OSTC: variants seen among roughly 807,000 people sequenced by gnomAD.
The protein encoded by OSTC is oligosaccharyltransferase complex non-catalytic subunit.
In OSTC, 16 loss-of-function variants were observed where a neutral mutation model predicts 16.4. The ratio of observed to expected loss-of-function variants is 0.98; its 90% CI spans 0.66 to 1.49. OSTC has a LOEUF of 1.49. Among genes scored for constraint, OSTC ranks in the 40% most tolerant of loss-of-function variants. OSTC has a pLI of 0.00. For synonymous variants in OSTC, 67 were observed against 68.5 expected (o/e 0.98, Z 0.11); for missense variants, 139 against 186.3 (o/e 0.75, Z 1.48).
rs138808989 is a variant in OSTC at position 108,650,764 on chromosome 4, G to A, written c.109G>A (p.Val37Met). 18 of 1,614,250 alleles carry A rather than the reference G, an allele frequency of 1.1e-5. No homozygotes were observed. In the African/African-American group the frequency reaches 2.1e-4, roughly 19 times the overall value. ...GTCGGCCATGACTGTGTATGCTCTG[G>A]TGGTGGTGTCTTACTTCCTCATCAC... ...MPSAMTVYAL[V>M]VVSYFLITGG... The change falls in exon 1 of 4, where the codon GTG (valine) becomes ATG (methionine). Residue 37 changes from valine to methionine, a missense_variant. Transcript: ENST00000361564.
rs200101905 is a variant in OSTC, at chr4:108,667,247, G to A, written c.432G>A (p.Pro144=). 2.8e-5 allele frequency: 45 copies of A among 1,607,304 alleles called. No homozygotes were observed. In the Middle Eastern group the frequency reaches 9.9e-4, roughly 35 times the overall value. Residue 144 remains proline (P), a splice_region_variant and synonymous_variant, in exon 4 of 4, where the codon CCG becomes CCA. Coordinates refer to ENST00000361564, the MANE Select transcript of OSTC (RefSeq NM_021227.4). ...MARVFMRMKL[P]GYLMG The stretch of plus-strand genomic sequence containing the variant: ...TGTGCTTATAATTATATTTCTGCAG[G>A]GGCTATCTGATGGGTTAGAGTGCCT...
intron 1 of OSTC, chr4:108,652,171 A>G (rs915255793): frequency 6.6e-6 from 1 of 152,182 alleles, no homozygotes; most frequent in Admixed American, 6.5e-5. Context: ...GGCAGCACAT[A>G]TACTAAAATT....
intron 3 of OSTC, among the ~76,000 whole-genome samples, chr4:108,658,167 G>C (rs1726761448): frequency 6.6e-6 from 1 of 151,904 alleles, no homozygotes; most frequent in Non-Finnish European, 1.5e-5. Flanking sequence ...CCTGACCTCA[G>C]GTGATCCTCC....
At chr4:108,660,203 T>G (rs1170744508) in intron 3 of OSTC, among the ~76,000 whole-genome samples, 3 of 152,184 alleles carry the variant, frequency 2.0e-5, no homozygotes, top group Admixed American at 2.0e-4. Context: ...TGGGTTTCGG[T>G]TGTAGATTAT....
chr4:108,658,886 C>A (rs1379940988), intron 3 of OSTC, among the ~76,000 whole-genome samples: 2 of 150,874 alleles, frequency 1.3e-5, no homozygotes, highest in African/African-American at 4.9e-5. Context: ...TTAGTCCTGG[C>A]AGGATGGGAG....
At chr4:108,654,227 G>C (rs980349238) in intron 1 of OSTC, among the ~76,000 whole-genome samples, 27 of 152,330 alleles carry the variant, frequency 1.8e-4, no homozygotes, top group African/African-American at 6.0e-4. Context: ...GCAGAAGCCA[G>C]ATTGGATTGA....
At chr4:108,657,762 A>G (rs1461907067) in intron 3 of OSTC, 115 bp downstream of exon 3, 1 of 923,490 alleles carries the variant, frequency 1.1e-6, no homozygotes, top group Non-Finnish European at 1.6e-6. Flanking sequence ...TGAAAAATCC[A>G]GAAACCAAAT....
chr4:108,661,087 G>GGGATTA lies in OSTC; in HGVS notation c.431+3440_431+3441insGGATTA, dbSNP rs1380626864. On this transcript the variant is annotated intron_variant, in intron 3 of 3. Coordinates refer to ENST00000361564, the MANE Select transcript of OSTC (RefSeq NM_021227.4). The stretch of plus-strand genomic sequence containing the variant: ...AAAAAAATTAGCTGGGCGTGGTAGT[G>GGGATTA]CACGCCTGTAATCCCAGCTATTTGG... Among the ~76,000 whole-genome samples the GGGATTA allele has an allele frequency of 4.6e-4, 70 of 151,770 alleles. 1 individual carries two copies. Among genetic ancestry groups the GGGATTA allele is most frequent in the South Asian group, 1.2e-3 (6 of 4,812 alleles).
At chr4:108,661,588 TTTTTC>T (rs937108689) in intron 3 of OSTC, among the ~76,000 whole-genome samples, 10 of 152,230 alleles carry the variant, frequency 6.6e-5, no homozygotes, top group South Asian at 4.2e-4. Flanking sequence ...AAGCAGAATC[TTTTTC>T]TTTTCTTTTC....
intron 3 of OSTC, among the ~76,000 whole-genome samples, chr4:108,660,775 G>T (rs1726836326): frequency 1.3e-5 from 2 of 152,176 alleles, no homozygotes; most frequent in African/African-American, 4.8e-5. Flanking sequence ...CTTTGAAAAG[G>T]AGAAAACAGT....
chr4:108,665,513 C>T (rs1459068799), intron 3 of OSTC, among the ~76,000 whole-genome samples: 1 of 108,702 alleles, frequency 9.2e-6, no homozygotes, highest in African/African-American at 3.9e-5. Flanking sequence ...GGGGTTTCAC[C>T]ATGTTAGCCA....
intron 2 of OSTC, among the ~76,000 whole-genome samples, chr4:108,656,192 C>G (rs1256287265): frequency 6.6e-6 from 1 of 151,966 alleles, no homozygotes; most frequent in South Asian, 2.1e-4. Flanking sequence ...TCAGTGAAAC[C>G]CCGTTCCAGT....
chr4:108,652,616 C>T (rs1044285137), intron 1 of OSTC, among the ~76,000 whole-genome samples: 3 of 152,044 alleles, frequency 2.0e-5, no homozygotes, highest in Non-Finnish European at 4.4e-5. Flanking sequence ...ATACTGAGTC[C>T]CGTTAAGTTT....
intron 3 of OSTC, among the ~76,000 whole-genome samples, chr4:108,661,031 A>G (rs951180370): frequency 6.6e-6 from 1 of 152,004 alleles, no homozygotes; most frequent in African/African-American, 2.4e-5. Context: ...AGCCTGGTCA[A>G]CGTGGTGAAA....
intron 3 of OSTC, among the ~76,000 whole-genome samples, chr4:108,665,717 G>A (rs998222823): frequency 6.6e-6 from 1 of 151,724 alleles, no homozygotes; most frequent in African/African-American, 2.4e-5. Context: ...CTGTCACCAC[G>A]CCCAGCTAAT....
chr4:108,654,377 T>G (rs1383582483), intron 1 of OSTC, among the ~76,000 whole-genome samples: 1 of 152,094 alleles, frequency 6.6e-6, no homozygotes, highest in Non-Finnish European at 1.5e-5. Flanking sequence ...GGAGGGTTGA[T>G]GTAGGGAAGG....
chr4:108,661,249 T>C lies in OSTC; in HGVS notation c.431+3602T>C, dbSNP rs568815044. Among the ~76,000 whole-genome samples, 117 of 151,332 alleles carry C rather than the reference T, an allele frequency of 7.7e-4. 1 individual carries two copies. The highest frequency in any genetic ancestry group is 2.5e-3 in the African/African-American group (105 of 41,310). On this transcript the variant is annotated intron_variant, in intron 3 of 3. Coordinates refer to ENST00000361564, the MANE Select transcript of OSTC (RefSeq NM_021227.4). Reference sequence around the variant, plus strand: ...AAAAAAAAAAAAGAATAAAGAATGATTGTTTATTAGCTTTGCACACATAGC... The same window carrying C: ...AAAAAAAAAAAAGAATAAAGAATGACTGTTTATTAGCTTTGCACACATAGC...
intron 2 of OSTC, 62 bp downstream of exon 2, chr4:108,655,719 T>C: frequency 8.2e-7 from 1 of 1,215,364 alleles, no homozygotes; most frequent in Non-Finnish European, 1.2e-6. Flanking sequence ...GTATGCCCAC[T>C]TATTTAAAAA....
Position 108,650,778 on chromosome 4 carries a change from C to T in OSTC, c.123C>T (p.Tyr41=), listed in dbSNP as rs1560621220. The change falls in exon 1 of 4, where the codon TAC becomes TAT. Residue 41 remains tyrosine, a synonymous_variant. Transcript: ENST00000361564. ...TGTATGCTCTGGTGGTGGTGTCTTA[C>T]TTCCTCATCACCGGAGGTAACTCGG... The part of the protein sequence containing the change: ...MTVYALVVVS[Y]FLITGGIIYD... 1.9e-6 allele frequency: 3 copies of T among 1,614,066 alleles called. No homozygotes were observed. Among genetic ancestry groups the T allele is most frequent in the Non-Finnish European group, 2.5e-6 (3 of 1,180,020 alleles).
Sources: allele counts gnomAD v4.1 joint callset (sites outside exome capture counted in the v4.1 genomes callset), GRCh38; gene constraint gnomAD v4.1.1; transcripts MANE v1.5; gene names NCBI Gene and HGNC (gene_info 2026-07-23, HGNC 2026-07-21).